FAM107B: variants seen among roughly 807,000 people sequenced by gnomAD.
The protein encoded by FAM107B is protein FAM107B.
FAM107B carries 21 observed loss-of-function variants against 31.5 expected under a neutral mutation model. The ratio of observed to expected loss-of-function variants is 0.67; its 90% CI spans 0.47 to 0.96. FAM107B has a LOEUF of 0.96. Among genes scored for constraint, FAM107B ranks in the 40% least tolerant of loss-of-function variants. The pLI, the probability that FAM107B is intolerant of heterozygous loss-of-function variation, is 0.00. For synonymous variants in FAM107B, 157 were observed against 141.5 expected (o/e 1.11, Z -0.78); for missense variants, 452 against 377.1 (o/e 1.20, Z -1.64).
At chr10:14,744,822 G>T (rs375360581) in intron 1 of FAM107B, among the ~76,000 whole-genome samples, 1 of 151,922 alleles carries the variant, frequency 6.6e-6, no homozygotes, top group African/African-American at 2.4e-5. Flanking sequence ...GTTTGGAATT[G>T]TTTCAGGAGA....
At chr10:14,737,766 T>TTCTCTCTCACTCTCTCTCTC (rs1856336806) in intron 1 of FAM107B, among the ~76,000 whole-genome samples, 7 of 127,112 alleles carry the variant, frequency 5.5e-5, no homozygotes, top group Non-Finnish European at 1.1e-4. Context: ...CGTGCACGCT[T>TTCTCTCTCACTCTCTCTCTC]TCTCTCTCTC....
intron 2 of FAM107B, among the ~76,000 whole-genome samples, chr10:14,614,353 G>A (rs893597315): frequency 2.6e-4 from 40 of 151,938 alleles, no homozygotes; most frequent in African/African-American, 8.7e-4. Context: ...TTTAGTGGTC[G>A]GGGAGCTGCT....
intron 2 of FAM107B, among the ~76,000 whole-genome samples, chr10:14,630,276 G>A (rs1853319381): frequency 2.9e-5 from 1 of 34,814 alleles, no homozygotes; most frequent in Non-Finnish European, 5.7e-5. Context: ...CTCTACTGAT[G>A]CTAAAAAAAA....
intron 1 of FAM107B, chr10:14,724,122 A>G (rs1378817385): frequency 1.5e-5 from 8 of 545,854 alleles, no homozygotes; most frequent in South Asian, 9.9e-5. Context: ...CTCTGTGGGT[A>G]GCGCGGAAAG....
At chr10:14,751,297 G>C (rs1305363083) in intron 1 of FAM107B, among the ~76,000 whole-genome samples, 1 of 152,160 alleles carries the variant, frequency 6.6e-6, no homozygotes, top group African/African-American at 2.4e-5. Flanking sequence ...TTTGATGTTT[G>C]TACAATTTCT....
intron 2 of FAM107B, among the ~76,000 whole-genome samples, chr10:14,564,864 A>C (rs1455179163): frequency 6.6e-6 from 1 of 152,192 alleles, no homozygotes; most frequent in African/African-American, 2.4e-5. Context: ...CCATTGTCCT[A>C]CTCTTCCATA....
intron 1 of FAM107B, among the ~76,000 whole-genome samples, chr10:14,737,648 A>T (rs1026148008): frequency 3.3e-5 from 5 of 151,966 alleles, no homozygotes; most frequent in Non-Finnish European, 7.4e-5. Flanking sequence ...ACAAAAAAGC[A>T]AGCATTTTAT....
At chr10:14,757,096 C>A (rs1050425929) in intron 1 of FAM107B, among the ~76,000 whole-genome samples, 2 of 152,026 alleles carry the variant, frequency 1.3e-5, no homozygotes, top group African/African-American at 4.8e-5. Flanking sequence ...CTACAACAAA[C>A]CCCCATGACA....
chr10:14,563,926 A>C (rs1850447475), intron 2 of FAM107B, among the ~76,000 whole-genome samples: 1 of 152,146 alleles, frequency 6.6e-6, no homozygotes, highest in Non-Finnish European at 1.5e-5. Flanking sequence ...AAAATCACTA[A>C]AGAGATAAAT....
In FAM107B at chr10:14,525,700, T is replaced by C. The variant is rs1375394914; in HGVS notation, c.654-3681A>G. Among the ~76,000 whole-genome samples the C allele has an allele frequency of 5.9e-5, 9 of 152,346 alleles. No homozygotes were observed. In the East Asian group the frequency reaches 1.7e-3, roughly 29 times the overall value. ...GACAGACATCTATTTGGTTTCCAAC[T>C]GTTCACTATTAAAAACAATGAGGCT... On this transcript the variant is annotated intron_variant, in intron 3 of 4. Transcript: ENST00000181796.
At chr10:14,536,721 C>T (rs545544711) in intron 2 of FAM107B, among the ~76,000 whole-genome samples, 2 of 152,164 alleles carry the variant, frequency 1.3e-5, no homozygotes, top group Non-Finnish European at 2.9e-5. Context: ...TTAGAAACGA[C>T]GTCCCACCAG....
intron 2 of FAM107B, among the ~76,000 whole-genome samples, chr10:14,626,534 C>A (rs985202924): frequency 7.4e-6 from 1 of 135,720 alleles, no homozygotes; most frequent in Admixed American, 8.1e-5. Context: ...GACAGAGTCT[C>A]GCTCTGTCGC....
chr10:14,737,496 C>G (rs1265141901), intron 1 of FAM107B, among the ~76,000 whole-genome samples: 1 of 151,806 alleles, frequency 6.6e-6, no homozygotes, highest in East Asian at 1.9e-4. Flanking sequence ...CACCTGTAAC[C>G]CTGGCTACTT....
chr10:14,533,540 G>A (rs1847266835), intron 2 of FAM107B, among the ~76,000 whole-genome samples: 2 of 152,162 alleles, frequency 1.3e-5, no homozygotes, highest in South Asian at 2.1e-4. Flanking sequence ...TGACTGACTC[G>A]CTCTCGTTTA....
intron 1 of FAM107B, among the ~76,000 whole-genome samples, chr10:14,707,740 C>T (rs1049870666): frequency 6.6e-6 from 1 of 152,184 alleles, no homozygotes; most frequent in East Asian, 1.9e-4. Context: ...CTGTTAAAAT[C>T]GCTTTGCTTT....
intron 2 of FAM107B, among the ~76,000 whole-genome samples, chr10:14,649,436 T>C (rs1331458730): frequency 1.3e-5 from 2 of 152,222 alleles, no homozygotes; most frequent in African/African-American, 4.8e-5. Context: ...TTAAAGTCTG[T>C]TAAGAAACAT....
At chr10:14,667,171 T>A (rs74228059) in intron 2 of FAM107B, among the ~76,000 whole-genome samples, 12,934 of 152,240 alleles carry the variant, frequency 0.085, 579 homozygotes, top group South Asian at 0.16. Context: ...ATTTCTTTCC[T>A]CATTAACTCA....
At chr10:14,656,164 C>T (rs966534154) in intron 2 of FAM107B, among the ~76,000 whole-genome samples, 10 of 152,178 alleles carry the variant, frequency 6.6e-5, no homozygotes, top group Non-Finnish European at 1.3e-4. Flanking sequence ...CTGTGCTCCT[C>T]CTAGATACAA....
At chr10:14,554,537 T>C (rs1245724198) in intron 2 of FAM107B, among the ~76,000 whole-genome samples, 2 of 152,182 alleles carry the variant, frequency 1.3e-5, no homozygotes, top group East Asian at 1.9e-4. Context: ...TGGTGTGAAA[T>C]GGACTGGACC....
Sources: allele counts gnomAD v4.1 joint callset (sites outside exome capture counted in the v4.1 genomes callset), GRCh38; gene constraint gnomAD v4.1.1; transcripts MANE v1.5; gene names NCBI Gene and HGNC (gene_info 2026-07-23, HGNC 2026-07-21).